Variants in CDH13 observed in about 807,000 individuals in gnomAD.
The protein encoded by CDH13 is cadherin 13.
In CDH13, 24 loss-of-function variants were observed where a neutral mutation model predicts 63.8. That is an observed-to-expected ratio of 0.38 (90% confidence interval 0.27 to 0.53). The LOEUF (loss-of-function observed/expected upper bound fraction) is 0.53. Ranked by LOEUF, CDH13 falls within the 20% of genes least tolerant of loss-of-function variation. The pLI is 0.85. For missense variants in CDH13, 1,049 were observed against 903.1 expected (o/e 1.16, Z -2.07); for synonymous variants, 503 against 355.3 (o/e 1.42, Z -4.67).
chr16:83,058,338 G>A (rs897885559), intron 3 of CDH13, among the ~76,000 whole-genome samples: 1 of 152,198 alleles, frequency 6.6e-6, no homozygotes, highest in Admixed American at 6.5e-5. Flanking sequence ...TTGTTCAAGT[G>A]GGGTTTTCTG....
At chr16:82,987,450 C>A (rs960885757) in intron 2 of CDH13, among the ~76,000 whole-genome samples, 2 of 152,122 alleles carry the variant, frequency 1.3e-5, no homozygotes, top group African/African-American at 2.4e-5. Context: ...GATCCTGGCT[C>A]ATTGCAACCT....
Position 83,415,606 on chromosome 16 carries a change from C to A in CDH13, c.781+70600C>A, listed in dbSNP as rs114189709. On this transcript the variant is annotated intron_variant, in intron 6 of 13. Coordinates refer to ENST00000567109, the MANE Select transcript of CDH13 (RefSeq NM_001257.5). ...TGGGAGTCAGGAATTGTTCAACACA[C>A]AGAAATCAATCAATGTGATACACCA... Among the ~76,000 whole-genome samples, 1,203 of 152,270 alleles carry A rather than the reference C, an allele frequency of 7.9e-3. 18 individuals are homozygous for A. The highest frequency in any genetic ancestry group is 0.027 in the African/African-American group (1,137 of 41,550).
intron 3 of CDH13, among the ~76,000 whole-genome samples, chr16:83,035,170 A>G (rs966815620): frequency 1.7e-4 from 26 of 152,322 alleles, no homozygotes; most frequent in East Asian, 5.8e-4. Context: ...ACATACCTCA[A>G]TGGATATGCA....
At chr16:83,543,548 T>C (rs2150655820) in intron 7 of CDH13, among the ~76,000 whole-genome samples, 1 of 152,366 alleles carries the variant, frequency 6.6e-6, no homozygotes, top group South Asian at 2.1e-4. Context: ...ATCTCTTTCT[T>C]TGAATCCCAG....
intron 1 of CDH13, among the ~76,000 whole-genome samples, chr16:82,784,606 A>G (rs371178222): frequency 2.0e-4 from 31 of 152,316 alleles, no homozygotes; most frequent in African/African-American, 7.5e-4. Context: ...GGGAAGAAGA[A>G]GAATTAATAC....
At chr16:83,371,286 C>G (rs1403511365) in intron 6 of CDH13, among the ~76,000 whole-genome samples, 1 of 152,228 alleles carries the variant, frequency 6.6e-6, no homozygotes, top group Admixed American at 6.5e-5. Flanking sequence ...TCATTACCCT[C>G]TCCTTCCTGC....
intron 2 of CDH13, among the ~76,000 whole-genome samples, chr16:82,999,201 A>G (rs1159963624): frequency 6.6e-6 from 1 of 151,778 alleles, no homozygotes; most frequent in Non-Finnish European, 1.5e-5. Context: ...TTCTCTTTCA[A>G]CTTCCTTATT....
At chr16:83,594,268 C>G (rs998222157) in intron 7 of CDH13, among the ~76,000 whole-genome samples, 11 of 152,220 alleles carry the variant, frequency 7.2e-5, no homozygotes, top group African/African-American at 2.7e-4. Context: ...ATGCCAAGCT[C>G]TGTATTCAGC....
intron 2 of CDH13, among the ~76,000 whole-genome samples, chr16:82,952,444 C>G (rs7186595): frequency 0.3 from 45,797 of 151,810 alleles, 7,026 homozygotes; most frequent in Middle Eastern, 0.38. Context: ...CATTCATGCC[C>G]GTAAGTTATC....
At chr16:83,113,405 ACT>A (rs1567841891) in intron 3 of CDH13, among the ~76,000 whole-genome samples, 1 of 152,196 alleles carries the variant, frequency 6.6e-6, no homozygotes, top group East Asian at 1.9e-4. Flanking sequence ...TCTTACAATA[ACT>A]CTATATTTAT....
chr16:82,853,056 G>C (rs1286549442), intron 1 of CDH13, among the ~76,000 whole-genome samples: 1 of 152,210 alleles, frequency 6.6e-6, no homozygotes, highest in Admixed American at 6.5e-5. Context: ...CTGGTATAAA[G>C]AGTGTGATTT....
Position 83,414,686 on chromosome 16 carries a change from T to A in CDH13, c.781+69680T>A, listed in dbSNP as rs556922980. Reference sequence around the variant, plus strand: ...CATGCAGTATTAGTCTTTCTGAGACTGGTTTATTTCACGTCACATAATGTC... The same window carrying A: ...CATGCAGTATTAGTCTTTCTGAGACAGGTTTATTTCACGTCACATAATGTC... On this transcript the variant is annotated intron_variant, in intron 6 of 13. Transcript: ENST00000567109. Among the ~76,000 whole-genome samples the A allele has an allele frequency of 2.6e-5, 4 of 152,358 alleles. No individual in the cohort carries two copies. The South Asian group carries it at 8.3e-4, about 32-fold the overall frequency.
intron 6 of CDH13, chr16:83,383,296 C>T (rs1244936701): frequency 1.3e-5 from 2 of 152,186 alleles, no homozygotes; most frequent in Non-Finnish European, 2.9e-5. Context: ...GGAATGTTAG[C>T]CTCTTTCACC....
intron 4 of CDH13, among the ~76,000 whole-genome samples, chr16:83,182,439 C>A (rs1238971128): frequency 6.6e-6 from 1 of 152,154 alleles, no homozygotes; most frequent in East Asian, 1.9e-4. Context: ...ATCTTTTGAA[C>A]CCCTCTGGGA....
chr16:82,710,573 A>ATATATG (rs2031856257), intron 1 of CDH13, among the ~76,000 whole-genome samples: 1 of 124,728 alleles, frequency 8.0e-6, no homozygotes, highest in African/African-American at 2.8e-5. Context: ...ATATATATAT[A>ATATATG]TATAAATATA....
chr16:83,163,963 C>A (rs1277938827), intron 4 of CDH13, among the ~76,000 whole-genome samples: 2 of 152,062 alleles, frequency 1.3e-5, no homozygotes. Flanking sequence ...AAAACCTTAC[C>A]GTGTGCTGAA....
chr16:83,679,087 C>T (rs906247942), intron 10 of CDH13, among the ~76,000 whole-genome samples: 5 of 113,114 alleles, frequency 4.4e-5, no homozygotes, highest in Non-Finnish European at 7.4e-5. Flanking sequence ...TGATGAGGGG[C>T]AGGCAAAAAT....
chr16:83,413,564 T>C (rs1189600459), intron 6 of CDH13, among the ~76,000 whole-genome samples: 1 of 152,106 alleles, frequency 6.6e-6, no homozygotes, highest in East Asian at 1.9e-4. Flanking sequence ...TTGGGGAAAG[T>C]TACAGTCAAG....
intron 1 of CDH13, among the ~76,000 whole-genome samples, chr16:82,749,230 C>T (rs1160779034): frequency 2.0e-5 from 3 of 152,090 alleles, no homozygotes; most frequent in Non-Finnish European, 4.4e-5. Flanking sequence ...CGGTGTTATT[C>T]AAATCCCTGG....
Sources: allele counts gnomAD v4.1 joint callset (sites outside exome capture counted in the v4.1 genomes callset), GRCh38; gene constraint gnomAD v4.1.1; transcripts MANE v1.5; gene names NCBI Gene and HGNC (gene_info 2026-07-23, HGNC 2026-07-21).